PRDM6: variants seen among roughly 807,000 people sequenced by gnomAD.
The protein encoded by PRDM6 is PR/SET domain 6.
In PRDM6, 25 loss-of-function variants were observed where a neutral mutation model predicts 60.8. The ratio of observed to expected loss-of-function variants is 0.41; its 90% confidence interval spans 0.30 to 0.57. PRDM6 has a LOEUF of 0.57. Among genes scored for constraint, PRDM6 ranks in the 20% least tolerant of loss-of-function variants. PRDM6 has a pLI of 0.27. For synonymous variants in PRDM6, 407 were observed against 357.4 expected (o/e 1.14, Z -1.57); for missense variants, 839 against 821.3 (o/e 1.02, Z -0.26).
chr5:123,124,701 T>G (rs1764653775), intron 3 of PRDM6, among the ~76,000 whole-genome samples: 1 of 152,180 alleles, frequency 6.6e-6, no homozygotes, highest in African/African-American at 2.4e-5. Context: ...CCCAAGACAT[T>G]GCTGCATCCG....
chr5:123,096,934 G>A (rs1375449386), intron 2 of PRDM6, among the ~76,000 whole-genome samples: 3 of 152,092 alleles, frequency 2.0e-5, no homozygotes, highest in African/African-American at 4.8e-5. Context: ...GGGATGACAC[G>A]TGTGGAGAAG....
chr5:123,091,419 C>G (rs960673225), intron 2 of PRDM6, among the ~76,000 whole-genome samples: 4 of 152,192 alleles, frequency 2.6e-5, no homozygotes, highest in African/African-American at 9.7e-5. Flanking sequence ...GACGCTTACT[C>G]CCCTCTTCCT....
chr5:123,128,398 G>T (rs527899746), intron 3 of PRDM6, among the ~76,000 whole-genome samples: 5 of 152,152 alleles, frequency 3.3e-5, no homozygotes, highest in East Asian at 1.9e-4. Flanking sequence ...GTGTAAAAGC[G>T]TTCCTATTTC....
chr5:123,090,276 A>ACGCCGGCTTCCTCTTCCACCTCCGCCT lies in PRDM6; in HGVS notation c.263_264insGCCGGCTTCCTCTTCCACCTCCGCCTC (p.Thr88_Ser89insProAlaSerSerSerThrSerAlaSer). ...CTCGTCCACGCCGGCTTCCTCTTCCACCTCCGCCTCCTCCGCCTCCTCCTG... is the reference window on the plus strand; with the variant it reads ...CTCGTCCACGCCGGCTTCCTCTTCCACGCCGGCTTCCTCTTCCACCTCCGCCTCCTCCGCCTCCTCCGCCTCCTCCTG... On this transcript the variant is annotated inframe_insertion, in exon 2 of 8. Transcript: ENST00000407847. 4.0e-6 allele frequency: 6 copies of ACGCCGGCTTCCTCTTCCACCTCCGCCT among 1,481,676 alleles called. No homozygotes were observed. The highest frequency in any genetic ancestry group is 5.4e-6 in the Non-Finnish European group (6 of 1,116,820). The allele number at this position is 1,481,676 out of a possible 1,614,324, so 91.8% of individuals were successfully genotyped here. A position where few individuals can be genotyped will look rare whatever the true frequency, so the allele number is the denominator to read the frequency against.
chr5:123,123,223 C>T (rs1346419832), intron 3 of PRDM6, among the ~76,000 whole-genome samples: 2 of 152,130 alleles, frequency 1.3e-5, no homozygotes, highest in African/African-American at 2.4e-5. Context: ...TATATCTTTT[C>T]CTCTTTCATA....
chr5:123,145,645 C>A (rs890217368), intron 3 of PRDM6, among the ~76,000 whole-genome samples: 4 of 152,274 alleles, frequency 2.6e-5, no homozygotes, highest in African/African-American at 9.6e-5. Flanking sequence ...TGATCCAGGG[C>A]AGGACAGTGT....
At position 123,180,200 on chromosome 5, in the gene PRDM6, G is replaced by A; in HGVS notation, c.1550G>A (p.Arg517Lys). The A allele has an allele frequency of 6.4e-7, 1 of 1,552,150 alleles. No individual in the cohort carries two copies. Among genetic ancestry groups the A allele is most frequent in the Non-Finnish European group, 8.7e-7 (1 of 1,147,072 alleles). ...TCCTTTTCCCAGCCTTCAGAACTGAGGAACCACGTGGTCACTCACTCTAGT... is the reference window on the plus strand; with the variant it reads ...TCCTTTTCCCAGCCTTCAGAACTGAAGAACCACGTGGTCACTCACTCTAGT... ...SQSFSQPSEL[R>K]NHVVTHSSDR... is the part of the protein sequence containing the mutation. The change falls in exon 7 of 8, where the codon AGG becomes AAG. Residue 517 changes from arginine to lysine, a missense_variant. By Grantham distance (26) the Arg-to-Lys change is conservative. Coordinates refer to ENST00000407847, the MANE Select transcript of PRDM6 (RefSeq NM_001136239.4).
chr5:123,171,645 A>G (rs1765891994), intron 6 of PRDM6, among the ~76,000 whole-genome samples: 1 of 152,242 alleles, frequency 6.6e-6, no homozygotes, highest in South Asian at 2.1e-4. Flanking sequence ...GGAGGAAAAC[A>G]GATGCCACTT....
chr5:123,115,224 G>T (rs1764407402), intron 3 of PRDM6, among the ~76,000 whole-genome samples: 1 of 152,142 alleles, frequency 6.6e-6, no homozygotes, highest in South Asian at 2.1e-4. Flanking sequence ...TTGCCTTCAT[G>T]GTTGCTGTGA....
chr5:123,142,220 T>C (rs760970009), intron 3 of PRDM6, among the ~76,000 whole-genome samples: 4 of 152,156 alleles, frequency 2.6e-5, no homozygotes, highest in African/African-American at 4.8e-5. Flanking sequence ...CAAGTACTTA[T>C]ATTAAGACAT....
intron 3 of PRDM6, among the ~76,000 whole-genome samples, chr5:123,129,471 C>T (rs1764770302): frequency 1.3e-5 from 2 of 152,064 alleles, no homozygotes; most frequent in Admixed American, 1.3e-4. Flanking sequence ...TTTACATCCT[C>T]TGAGGGATTT....
At chr5:123,152,020 A>G (rs1765380187) in intron 3 of PRDM6, among the ~76,000 whole-genome samples, 1 of 152,138 alleles carries the variant, frequency 6.6e-6, no homozygotes, top group African/African-American at 2.4e-5. Flanking sequence ...GAAAAAAACA[A>G]TACTCTGTAC....
intron 3 of PRDM6, among the ~76,000 whole-genome samples, chr5:123,146,281 A>G (rs543817875): frequency 6.4e-4 from 98 of 152,322 alleles, no homozygotes; most frequent in Non-Finnish European, 1.3e-3. Context: ...CTGCTACAAT[A>G]AAGAGTTAAA....
Position 123,180,156 on chromosome 5 carries a change from A to G in PRDM6, c.1506A>G (p.Gln502=), listed in dbSNP as rs1311529323. The G allele has an allele frequency of 6.5e-7, 1 of 1,549,616 alleles. No individual in the cohort carries two copies. Among genetic ancestry groups the G allele is most frequent in the Non-Finnish European group, 8.7e-7 (1 of 1,145,380 alleles). ...VCTQNPDRPY[Q]CGHCSQSFSQ... The stretch of plus-strand genomic sequence containing the variant: ...TGTTTATTTGTTTCAGACCCTACCA[A>G]TGCGGCCACTGCTCCCAGTCCTTTT... Residue 502 remains glutamine (Q), a synonymous_variant, in exon 7 of 8, where the codon CAA becomes CAG. Transcript: ENST00000407847.
chr5:123,136,249 A>T (rs1338206053), intron 3 of PRDM6, among the ~76,000 whole-genome samples: 1 of 152,182 alleles, frequency 6.6e-6, no homozygotes, highest in Non-Finnish European at 1.5e-5. Context: ...TAAGACTATG[A>T]TCATATGACT....
Position 123,099,438 on chromosome 5 carries a change from G to A in PRDM6, c.593-216G>A, listed in dbSNP as rs1275501524. On this transcript the variant is annotated intron_variant, in intron 2 of 7. Transcript: ENST00000407847. The surrounding 1 kb of genome is among the most constrained non-coding windows in gnomAD (Gnocchi z 4.0). ...GCCTAGAGTCCTGGCCCGGTACCAG[G>A]CAGATCTGGGTGCGGCGAATTCCAA... Among the ~76,000 whole-genome samples, 2 of 152,208 alleles carry A rather than the reference G, an allele frequency of 1.3e-5. No individual in the cohort carries two copies. The highest frequency in any genetic ancestry group is 1.9e-4 in the East Asian group (1 of 5,184).
At chr5:123,187,015 C>A in intron 7 of PRDM6, 72 bp from the exon 8 acceptor site, 3 of 1,112,560 alleles carry the variant, frequency 2.7e-6, no homozygotes, top group Non-Finnish European at 4.0e-6. Context: ...TCTGATTAGG[C>A]AGGATGAGAG....
intron 1 of PRDM6, 77 bp from the exon 2 acceptor site, chr5:123,089,923 C>T: frequency 9.0e-7 from 1 of 1,111,786 alleles, no homozygotes; most frequent in Non-Finnish European, 1.3e-6. Context: ...GGCACTTTCT[C>T]CAGGGTCCCA....
intron 5 of PRDM6, among the ~76,000 whole-genome samples, chr5:123,165,489 C>A (rs919325211): frequency 6.6e-6 from 1 of 152,220 alleles, no homozygotes; most frequent in Non-Finnish European, 1.5e-5. Flanking sequence ...TTCTGCATGA[C>A]TTCACACTTT....
Sources: gnomAD v4.1 joint callset for allele counts (sites outside exome capture counted in the v4.1 genomes callset) on GRCh38, gnomAD v4.1.1 for gene constraint, Gnocchi (gnomAD v3.1) non-coding constraint, MANE v1.5 for transcripts, NCBI Gene and HGNC (gene_info 2026-07-23, HGNC 2026-07-21) for gene names.